Variants in SLC2A9 observed in about 807,000 individuals in gnomAD.
The protein encoded by SLC2A9 is solute carrier family 2 member 9.
A neutral mutation model predicts 50.6 loss-of-function variants in SLC2A9; 39 were observed. The observed-to-expected ratio is 0.77, with a 90% CI of 0.60 to 1.01. The LOEUF (loss-of-function observed/expected upper bound fraction) is 1.01, where lower values mean the gene tolerates loss of function less well. Ranked by LOEUF, SLC2A9 falls within the 50% of genes least tolerant of loss-of-function variation. SLC2A9 has a pLI of 0.00. For synonymous variants in SLC2A9, 324 were observed against 276.9 expected (o/e 1.17, Z -1.69); for missense variants, 686 against 677.6 (o/e 1.01, Z -0.14).
intron 10 of SLC2A9, among the ~76,000 whole-genome samples, chr4:9,836,210 G>T (rs868601728): frequency 3.3e-5 from 5 of 151,772 alleles, no homozygotes; most frequent in African/African-American, 1.2e-4. Flanking sequence ...TATACTGCTT[G>T]GGTGATGGGT....
rs962547444 is a variant in SLC2A9, at chr4:10,016,585, G to T, written c.249+2390C>A. ...CAGAAATCTCCTTTCCCGAAACGGA[G>T]GGAGGGCACGTTAAACTCTCTCTGT... is the stretch of plus-strand genomic sequence containing the variant. On this transcript the variant is annotated intron_variant, in intron 2 of 11. Coordinates refer to ENST00000264784, the MANE Select transcript of SLC2A9 (RefSeq NM_020041.3). Among the ~76,000 whole-genome samples the T allele has an allele frequency of 3.3e-5, 5 of 151,360 alleles. No individual in the cohort carries two copies. The East Asian group carries it at 9.7e-4, about 29-fold the overall frequency.
chr4:9,824,047 A>C (rs1724769931), downstream of SLC2A9, among the ~76,000 whole-genome samples: 1 of 152,218 alleles, frequency 6.6e-6, no homozygotes, highest in African/African-American at 2.4e-5. Flanking sequence ...CCAATGCGGC[A>C]GTATTGAGAG....
At chr4:9,852,245 T>C (rs375428781) in intron 10 of SLC2A9, among the ~76,000 whole-genome samples, 1 of 103,204 alleles carries the variant, frequency 9.7e-6, no homozygotes, top group Non-Finnish European at 2.0e-5. Context: ...ATATCCAGTA[T>C]TCTTTTTTTT....
intron 3 of SLC2A9, chr4:9,782,115 G>A (rs1023663186): frequency 3.9e-6 from 6 of 1,547,330 alleles, no homozygotes; most frequent in Admixed American, 3.7e-5. Context: ...GCCGTGGGGG[G>A]CTCGGCGGGG....
intron 5 of SLC2A9, among the ~76,000 whole-genome samples, chr4:9,944,454 C>G (rs1447834594): frequency 6.6e-6 from 1 of 152,226 alleles, no homozygotes; most frequent in Non-Finnish European, 1.5e-5. Context: ...GATCCCTGGT[C>G]TCTTAAATAC....
chr4:9,879,057 C>A, intron 10 of SLC2A9: 1 of 984,774 alleles, frequency 1.0e-6, no homozygotes, highest in South Asian at 4.7e-5. Context: ...TGCTGACCCA[C>A]TGTCAGGCTG....
chr4:9,811,126 C>T (rs1325144627), intron 3 of SLC2A9, among the ~76,000 whole-genome samples: 1 of 140,000 alleles, frequency 7.1e-6, no homozygotes, highest in Non-Finnish European at 1.5e-5. Flanking sequence ...ACTAACCCTC[C>T]TGGGATGGAC....
upstream of SLC2A9, chr4:10,021,603 T>A (rs1455257981): frequency 1.1e-6 from 1 of 922,430 alleles, no homozygotes; most frequent in Non-Finnish European, 1.7e-6. Context: ...TCTCTGCTCC[T>A]AAGTTATTAC....
chr4:9,783,311 GA>G (rs1718767734), intron 3 of SLC2A9: 1 of 1,614,082 alleles, frequency 6.2e-7, no homozygotes, highest in African/African-American at 1.3e-5. Flanking sequence ...GGTGGACAAC[GA>G]CGAGGAGGAG....
intron 1 of SLC2A9, among the ~76,000 whole-genome samples, chr4:10,029,577 T>TTTTATTTTA (rs1560510273): frequency 4.1e-5 from 1 of 24,098 alleles, no homozygotes; most frequent in African/African-American, 1.7e-4. Flanking sequence ...TTATTTTATA[T>TTTTATTTTA]TTTTATTTTA....
At chr4:9,848,359 A>C (rs1729312956) in intron 10 of SLC2A9, among the ~76,000 whole-genome samples, 1 of 109,784 alleles carries the variant, frequency 9.1e-6, no homozygotes, top group Non-Finnish European at 1.8e-5. Flanking sequence ...GTTTTCTAAA[A>C]AAAAAAAAAA....
chr4:9,834,588 G>T (rs1726714554), intron 11 of SLC2A9, among the ~76,000 whole-genome samples: 1 of 152,290 alleles, frequency 6.6e-6, no homozygotes, highest in African/African-American at 2.4e-5. Context: ...TTGTAAAAAT[G>T]ATAAGTAGGT....
At chr4:9,819,000 T>C (rs1414798462) in intron 3 of SLC2A9, among the ~76,000 whole-genome samples, 1 of 151,304 alleles carries the variant, frequency 6.6e-6, no homozygotes, top group Non-Finnish European at 1.5e-5. Context: ...CAGGTGCCTG[T>C]AGTCCCAGCA....
At chr4:9,894,182 T>C (rs1738081644) in intron 8 of SLC2A9, among the ~76,000 whole-genome samples, 1 of 152,190 alleles carries the variant, frequency 6.6e-6, no homozygotes, top group African/African-American at 2.4e-5. Context: ...ATAGAAATAA[T>C]CTAGAAATCC....
intron 3 of SLC2A9, among the ~76,000 whole-genome samples, chr4:9,799,693 C>CCCG (rs1553813215): frequency 1.0e-4 from 1 of 9,578 alleles, no homozygotes; most frequent in Non-Finnish European, 3.2e-4. Flanking sequence ...TCCAATTGTA[C>CCCG]CCCCCCCCCA....
chr4:9,881,823 G>A (rs1735268238), intron 10 of SLC2A9, among the ~76,000 whole-genome samples: 2 of 152,116 alleles, frequency 1.3e-5, no homozygotes, highest in Admixed American at 6.5e-5. Context: ...ACATCTTTAC[G>A]GTCTTTTCCA....
At chr4:9,835,834 C>A (rs1478328916) in intron 10 of SLC2A9, among the ~76,000 whole-genome samples, 2 of 152,022 alleles carry the variant, frequency 1.3e-5, no homozygotes, top group Non-Finnish European at 2.9e-5. Context: ...CACCTGTAAT[C>A]CCAGCACTTT....
intron 10 of SLC2A9, among the ~76,000 whole-genome samples, chr4:9,836,056 C>T (rs983491891): frequency 3.0e-5 from 4 of 132,510 alleles, no homozygotes; most frequent in Non-Finnish European, 6.1e-5. Context: ...ATATTGCACA[C>T]CAGCCTGGGC....
chr4:9,806,822 G>A (rs557882725), intron 3 of SLC2A9, among the ~76,000 whole-genome samples: 7 of 152,332 alleles, frequency 4.6e-5, no homozygotes, highest in Admixed American at 1.3e-4. Flanking sequence ...GGCTCTCAGT[G>A]CCTGTGACAG....
Sources: gnomAD v4.1 joint callset for allele counts (sites outside exome capture counted in the v4.1 genomes callset) on GRCh38, gnomAD v4.1.1 for gene constraint, MANE v1.5 for transcripts, NCBI Gene and HGNC (gene_info 2026-07-23, HGNC 2026-07-21) for gene names.